TFB1M: variants seen among roughly 807,000 people sequenced by gnomAD.
TFB1M encodes the protein transcription factor B1, mitochondrial, also known as dimethyladenosine transferase 1, mitochondrial.
A neutral mutation model predicts 31.1 loss-of-function variants in TFB1M; 27 were observed. The ratio of observed to expected loss-of-function variants is 0.87; its 90% CI spans 0.64 to 1.20. TFB1M has a LOEUF of 1.20. Ranked by LOEUF, TFB1M falls within the 50% of genes most tolerant of loss-of-function variation. The pLI is 0.00. For synonymous variants in TFB1M, 166 were observed against 151.8 expected (o/e 1.09, Z -0.69); for missense variants, 394 against 418.7 (o/e 0.94, Z 0.51).
the TFB1M span, chr6:155,250,921 A>C: frequency 8.1e-6 from 13 of 1,614,062 alleles, no homozygotes; most frequent in South Asian, 1.1e-5. Context: ...AGGTAACAGA[A>C]CTTTCGATGG....
intron 5 of TFB1M, 105 bp from the exon 6 acceptor site, chr6:155,260,505 G>A (rs1462638042): frequency 3.4e-6 from 5 of 1,462,212 alleles, no homozygotes; most frequent in Non-Finnish European, 4.7e-6. Flanking sequence ...TCAACAGCCT[G>A]TTTTCATAAA....
At chr6:155,273,015 G>A (rs1169964691) in intron 5 of TFB1M, among the ~76,000 whole-genome samples, 1 of 152,206 alleles carries the variant, frequency 6.6e-6, no homozygotes, top group Non-Finnish European at 1.5e-5. Context: ...GCAAGCAGAT[G>A]CTGTTAGAAA....
rs1248561915 is a variant in TFB1M at position 155,305,370 on chromosome 6, A to G, written c.285+5818T>C. Among the ~76,000 whole-genome samples, 3 of 34,444 alleles carry G rather than the reference A, an allele frequency of 8.7e-5. 1 individual carries two copies. The allele number at this position is 34,444 out of a possible 152,430, so 22.6% of individuals were successfully genotyped here. A position where few individuals can be genotyped will look rare whatever the true frequency, so the allele number is the denominator to read the frequency against. On this transcript the variant is annotated intron_variant, in intron 2 of 6. Transcript: ENST00000367166. ...TATTAAATTGTATATTTATATATATAAATATATATTAAATTGTATATTTAT... is the reference window on the plus strand; with the variant it reads ...TATTAAATTGTATATTTATATATATGAATATATATTAAATTGTATATTTAT...
At chr6:155,253,944 G>C (rs773111245), downstream of TFB1M, 2 of 1,586,458 alleles carry the variant, frequency 1.3e-6, no homozygotes, top group African/African-American at 1.4e-5. Flanking sequence ...CAAAGTTGTA[G>C]ACTCTTGTTT....
chr6:155,275,642 C>T (rs1210845215), intron 5 of TFB1M: 3 of 1,402,758 alleles, frequency 2.1e-6, no homozygotes, highest in East Asian at 4.6e-5. Context: ...CTCTACTGCA[C>T]AGAAATAGAT....
intron 5 of TFB1M, among the ~76,000 whole-genome samples, chr6:155,277,373 T>C (rs1320641509): frequency 1.3e-5 from 2 of 152,274 alleles, no homozygotes; most frequent in Admixed American, 1.3e-4. Flanking sequence ...AATTATGATA[T>C]GTGATTCAAA....
chr6:155,307,521 C>T (rs576095261), intron 2 of TFB1M, among the ~76,000 whole-genome samples: 2 of 152,160 alleles, frequency 1.3e-5, no homozygotes, highest in South Asian at 4.2e-4. Context: ...AAAGACCCAC[C>T]CCCATGATTC....
chr6:155,303,329 T>G (rs1267122268), intron 2 of TFB1M: 6 of 152,200 alleles, frequency 3.9e-5, no homozygotes, highest in African/African-American at 1.4e-4. Context: ...GCCTCAATAG[T>G]TACGAAGGTG....
At chr6:155,261,784 T>A (rs923002219) in intron 5 of TFB1M, among the ~76,000 whole-genome samples, 8 of 152,168 alleles carry the variant, frequency 5.3e-5, no homozygotes, top group African/African-American at 1.9e-4. Context: ...AGGGGCGGTG[T>A]GGGCTGGCGC....
chr6:155,313,483 G>A (rs1383264820), intron 1 of TFB1M, among the ~76,000 whole-genome samples: 1 of 152,122 alleles, frequency 6.6e-6, no homozygotes, highest in Non-Finnish European at 1.5e-5. Context: ...AAGTACTCCA[G>A]CCGTGACTTA....
chr6:155,274,022 C>A (rs1365731579), intron 5 of TFB1M, among the ~76,000 whole-genome samples: 1 of 152,172 alleles, frequency 6.6e-6, no homozygotes, highest in Non-Finnish European at 1.5e-5. Context: ...AAATATTGGT[C>A]TAAGCCCTTA....
chr6:155,246,505 T>C, the TFB1M span, among the ~76,000 whole-genome samples: 1 of 152,170 alleles, frequency 6.6e-6, no homozygotes, highest in African/African-American at 2.4e-5. Flanking sequence ...ATTTTAAAAA[T>C]GTAAAAATGT....
intron 5 of TFB1M, among the ~76,000 whole-genome samples, chr6:155,263,220 TG>T (rs1784471109): frequency 6.6e-6 from 1 of 152,182 alleles, no homozygotes; most frequent in African/African-American, 2.4e-5. Context: ...AATACAAAAA[TG>T]TTTTTTACTT....
the TFB1M span, among the ~76,000 whole-genome samples, chr6:155,247,837 G>A: frequency 6.6e-6 from 1 of 152,180 alleles, no homozygotes; most frequent in Non-Finnish European, 1.5e-5. Flanking sequence ...GGAATCCCAC[G>A]CTGACAGCTG....
chr6:155,253,863 C>T, downstream of TFB1M: 1 of 750,468 alleles, frequency 1.3e-6, no homozygotes, highest in Non-Finnish European at 2.2e-6. Flanking sequence ...TGAGCCAGGA[C>T]TGGGAATATT....
chr6:155,304,738 G>A lies in TFB1M; in HGVS notation c.286-6153C>T, dbSNP rs140136629. Among the ~76,000 whole-genome samples the A allele has an allele frequency of 3.1e-3, 471 of 151,466 alleles. 4 individuals carry two copies. Among genetic ancestry groups the A allele is most frequent in the African/African-American group, 0.01 (428 of 41,272 alleles). On this transcript the variant is annotated intron_variant, in intron 2 of 6. Transcript: ENST00000367166. ...GAAACAATGCAAGTGAGAAAATGGCGGAGCAACTTTTTTAGAGTAATAAAA... is the reference window on the plus strand; with the variant it reads ...GAAACAATGCAAGTGAGAAAATGGCAGAGCAACTTTTTTAGAGTAATAAAA...
Position 155,256,527 on chromosome 6 carries a change from C to G in TFB1M, c.*1309G>C. On this transcript the variant is annotated 3_prime_UTR_variant, in exon 7 of 7. Transcript: ENST00000367166. ...AAGTCCTGAAGAATTCCTCCAGCAACGAGTGGACCGGTGAGACTGGCAAGG... is the reference window on the plus strand; with the variant it reads ...AAGTCCTGAAGAATTCCTCCAGCAAGGAGTGGACCGGTGAGACTGGCAAGG... 5 of 1,614,212 alleles carry G rather than the reference C, an allele frequency of 3.1e-6. No homozygotes were observed. The highest frequency in any genetic ancestry group is 4.2e-6 in the Non-Finnish European group (5 of 1,180,044).
chr6:155,256,728 AGAT>A lies in TFB1M; in HGVS notation c.*1105_*1107del. 1 of 1,614,242 alleles carries A rather than the reference AGAT, an allele frequency of 6.2e-7. No individual in the cohort carries two copies. Among genetic ancestry groups the A allele is most frequent in the Non-Finnish European group, 8.5e-7 (1 of 1,180,042 alleles). On this transcript the variant is annotated 3_prime_UTR_variant, in exon 7 of 7. Coordinates refer to ENST00000367166, the MANE Select transcript of TFB1M (RefSeq NM_016020.4). The stretch of plus-strand genomic sequence containing the variant: ...AAGAGAGTGACATCCTGAGCGATGA[AGAT>A]GATGACCACCGTCAGACTGTGAAGC...
rs149570827 is a variant in TFB1M at position 155,276,340 on chromosome 6, C to T, written c.666+8818G>A. ...AGCAGCCTATCTCTAACACACAGCT[C>T]GAGAACAATTCCACACACAATCTGA... On this transcript the variant is annotated intron_variant, in intron 5 of 6. Coordinates refer to ENST00000367166, the MANE Select transcript of TFB1M (RefSeq NM_016020.4). 7.9e-4 allele frequency: 1,272 copies of T among 1,613,288 alleles called. 4 individuals are homozygous for T. Among genetic ancestry groups the T allele is most frequent in the African/African-American group, 5.0e-3 (374 of 74,926 alleles).
Sources: allele counts gnomAD v4.1 joint callset (sites outside exome capture counted in the v4.1 genomes callset), GRCh38; gene constraint gnomAD v4.1.1; transcripts MANE v1.5; gene names NCBI Gene and HGNC (gene_info 2026-07-23, HGNC 2026-07-21).